The following SEPTIN9 variants were observed in gnomAD, a reference collection of about 807,000 sequenced individuals.
SEPTIN9 encodes septin 9, also known as septin-9.
SEPTIN9 carries 13 observed loss-of-function variants against 56.6 expected under a neutral mutation model. The observed-to-expected ratio is 0.23, with a 90% CI of 0.15 to 0.37. SEPTIN9 has a LOEUF of 0.37. Ranked by LOEUF, SEPTIN9 falls within the 10% of genes least tolerant of loss-of-function variation. SEPTIN9 has a pLI of 1.00. For synonymous variants in SEPTIN9, 332 were observed against 334.1 expected, an observed-to-expected ratio of 0.99 and a Z score of 0.07; for missense variants, 650 against 823.1, an observed-to-expected ratio of 0.79 and a Z score of 2.57.
intron 3 of SEPTIN9, among the ~76,000 whole-genome samples, chr17:77,426,001 G>A (rs891892928): frequency 6.6e-6 from 1 of 152,124 alleles, no homozygotes; most frequent in Non-Finnish European, 1.5e-5. Flanking sequence ...GGATAGGATC[G>A]GAACAGTGGG....
At chr17:77,427,716 T>C (rs765846159) in intron 3 of SEPTIN9, among the ~76,000 whole-genome samples, 1 of 152,190 alleles carries the variant, frequency 6.6e-6, no homozygotes, top group Non-Finnish European at 1.5e-5. Flanking sequence ...CTGCAGGGTC[T>C]TGAGCCCTGT....
rs146309679 is a variant in SEPTIN9 at position 77,313,879 on chromosome 17, C to T, written c.76+6682C>T. Reference sequence around the variant, plus strand: ...CTAAGTAGCTGGGACTACAGTTGTGCGCCACCATGACTGGCTAATTCTTAA... The same window carrying T: ...CTAAGTAGCTGGGACTACAGTTGTGTGCCACCATGACTGGCTAATTCTTAA... On this transcript the variant is annotated intron_variant, in intron 2 of 11. Transcript: ENST00000427177. The surrounding 1 kb of genome is among the most constrained non-coding windows in gnomAD (Gnocchi z 4.5). Among the ~76,000 whole-genome samples, 607 of 151,770 alleles carry T rather than the reference C, an allele frequency of 4.0e-3. 8 individuals are homozygous for T. The highest frequency in any genetic ancestry group is 0.012 in the African/African-American group (516 of 41,360).
At chr17:77,480,060 GC>G (rs1350725424) in intron 3 of SEPTIN9, among the ~76,000 whole-genome samples, 5 of 152,188 alleles carry the variant, frequency 3.3e-5, no homozygotes, top group African/African-American at 1.2e-4. Flanking sequence ...CTTCCAGGCT[GC>G]GTGGCCTGGG....
chr17:77,488,099 C>A, intron 5 of SEPTIN9, 141 bp from the exon 6 acceptor site: 1 of 746,798 alleles, frequency 1.3e-6, no homozygotes, highest in South Asian at 1.5e-5. Flanking sequence ...CCGGAGTTGG[C>A]TGAGGAAGGC....
intron 3 of SEPTIN9, among the ~76,000 whole-genome samples, chr17:77,412,423 T>C (rs1283209054): frequency 6.6e-6 from 1 of 152,188 alleles, no homozygotes; most frequent in Admixed American, 6.5e-5. Context: ...TATCCTTTTC[T>C]TGTTGAAATT....
intron 1 of SEPTIN9, 102 bp from the exon 2 acceptor site, chr17:77,307,039 A>G: frequency 8.8e-7 from 1 of 1,141,468 alleles, no homozygotes; most frequent in Non-Finnish European, 1.3e-6. Context: ...TCTGGAACTC[A>G]CAGCAGGAGC....
rs541044453 is a variant in SEPTIN9, at chr17:77,367,459, G to C, written c.77-34600G>C. Among the ~76,000 whole-genome samples the C allele has an allele frequency of 6.6e-6, 1 of 152,292 alleles. No individual in the cohort carries two copies. Among genetic ancestry groups the C allele is most frequent in the Admixed American group, 6.5e-5 (1 of 15,304 alleles). On this transcript the variant is annotated intron_variant, in intron 2 of 11. Transcript: ENST00000427177. This position sits in a 1 kb window ranked among gnomAD's most constrained non-coding sequence, Gnocchi z 4.5. The stretch of plus-strand genomic sequence containing the variant: ...ACAGGATCGAACAGGTGTGTGTGGA[G>C]TCCCTAAAGCCACTGTCTCAAGGGG...
rs2037023299 is a variant in SEPTIN9 at position 77,429,043 on chromosome 17, GC to G, written c.721+26345del. ...AATGGGAGCATCTCAGCAGCCCTCC[GC>G]CCCCTGCTCCTGGTTGCAGATGTAC... is the stretch of plus-strand genomic sequence containing the variant. On this transcript the variant is annotated intron_variant, in intron 3 of 11. Transcript: ENST00000427177. This position sits in a 1 kb window ranked among gnomAD's most constrained non-coding sequence, Gnocchi z 5.2. 4.2e-6 allele frequency: 2 copies of G among 471,356 alleles called. No homozygotes were observed. The highest frequency in any genetic ancestry group is 2.0e-5 in the African/African-American group (1 of 50,068). The allele number at this position is 471,356 out of a possible 1,614,324, so 29.2% of individuals were successfully genotyped here. A position where few individuals can be genotyped will look rare whatever the true frequency, so the allele number is the denominator to read the frequency against.
At chr17:77,411,384 C>CCTTTTT (rs957871891) in intron 3 of SEPTIN9, among the ~76,000 whole-genome samples, 4 of 147,694 alleles carry the variant, frequency 2.7e-5, no homozygotes, top group Non-Finnish European at 5.9e-5. Flanking sequence ...GTAGCACGTT[C>CCTTTTT]CTTTTTCTTT....
intron 3 of SEPTIN9, chr17:77,454,018 C>T (rs1598399741): frequency 7.2e-6 from 7 of 976,900 alleles, no homozygotes; most frequent in East Asian, 2.3e-4. Flanking sequence ...CCATACACCC[C>T]GGATGTTTAG....
Position 77,345,011 on chromosome 17 carries a change from A to G in SEPTIN9, c.76+37814A>G, listed in dbSNP as rs537218728. Among the ~76,000 whole-genome samples, 5 of 150,594 alleles carry G rather than the reference A, an allele frequency of 3.3e-5. No homozygotes were observed. The South Asian group carries it at 1.0e-3, about 31-fold the overall frequency. On this transcript the variant is annotated intron_variant, in intron 2 of 11. Transcript: ENST00000427177. ...AAAAAAAAAAAGGAGATTCTGACAC[A>G]TGCTATAGCATAGATGAGCCTTGAA... is the stretch of plus-strand genomic sequence containing the variant.
At chr17:77,477,992 T>C (rs1460602832) in intron 3 of SEPTIN9, among the ~76,000 whole-genome samples, 3 of 152,032 alleles carry the variant, frequency 2.0e-5, no homozygotes, top group Non-Finnish European at 4.4e-5. Context: ...AGCTGCCGTC[T>C]TGCTGGAGCC....
intron 2 of SEPTIN9, among the ~76,000 whole-genome samples, chr17:77,380,710 C>A (rs640367): frequency 0.27 from 41,118 of 152,018 alleles, 6,147 homozygotes; most frequent in East Asian, 0.49. Context: ...CTGGTCACAG[C>A]CTCGGAGGGG....
intron 10 of SEPTIN9, among the ~76,000 whole-genome samples, chr17:77,493,945 G>T (rs1568122800): frequency 6.6e-6 from 1 of 152,012 alleles, no homozygotes; most frequent in Non-Finnish European, 1.5e-5. Context: ...CTTAATTTTT[G>T]TATTTTTAGT....
chr17:77,474,761 A>G (rs1167722294), intron 3 of SEPTIN9, among the ~76,000 whole-genome samples: 1 of 152,124 alleles, frequency 6.6e-6, no homozygotes, highest in South Asian at 2.1e-4. Flanking sequence ...ATAATTGACA[A>G]AAGCCCTCTC....
chr17:77,304,654 T>C (rs1171926313), intron 1 of SEPTIN9, among the ~76,000 whole-genome samples: 2 of 152,164 alleles, frequency 1.3e-5, no homozygotes, highest in Non-Finnish European at 2.9e-5. Context: ...ACGTGTGTCC[T>C]GTTCTTTGCT....
intron 11 of SEPTIN9, among the ~76,000 whole-genome samples, chr17:77,498,057 TCCTGGGGACA>T (rs1022670315): frequency 2.6e-5 from 4 of 151,884 alleles, no homozygotes; most frequent in Non-Finnish European, 1.5e-5. Flanking sequence ...GACTTTTTTT[TCCTGGGGACA>T]AGGGCAACCC....
Position 77,487,254 on chromosome 17 carries a change from C to T in SEPTIN9, c.914-170C>T, listed in dbSNP as rs955116908. Among the ~76,000 whole-genome samples, 2 of 152,144 alleles carry T rather than the reference C, an allele frequency of 1.3e-5. No individual in the cohort carries two copies. Among genetic ancestry groups the T allele is most frequent in the African/African-American group, 2.4e-5 (1 of 41,434 alleles). The stretch of plus-strand genomic sequence containing the variant: ...TTACACAGTCACTGGACACCCGGCT[C>T]GAGGGTGAAGTCCTCGGGGGCTGCT... On this transcript the variant is annotated intron_variant, in intron 4 of 11. Coordinates refer to ENST00000427177, the MANE Select transcript of SEPTIN9 (RefSeq NM_001113491.2). This position sits in a 1 kb window ranked among gnomAD's most constrained non-coding sequence, Gnocchi z 4.3.
At chr17:77,477,859 G>A (rs1005572881) in intron 3 of SEPTIN9, among the ~76,000 whole-genome samples, 27 of 152,198 alleles carry the variant, frequency 1.8e-4, no homozygotes, top group African/African-American at 6.3e-4. Context: ...AGTCGACGTG[G>A]GTACTGCTGA....
Sources: gnomAD v4.1 joint callset for allele counts (sites outside exome capture counted in the v4.1 genomes callset) on GRCh38, gnomAD v4.1.1 for gene constraint, Gnocchi (gnomAD v3.1) non-coding constraint, MANE v1.5 for transcripts, NCBI Gene and HGNC (gene_info 2026-07-23, HGNC 2026-07-21) for gene names.